The following GATA4 variants were observed in gnomAD, a reference collection of about 807,000 sequenced individuals.
GATA4 encodes GATA binding protein 4, also known as transcription factor GATA-4.
A neutral mutation model predicts 37.9 loss-of-function variants in GATA4; 7 were observed. The ratio of observed to expected loss-of-function variants is 0.18; its 90% CI spans 0.11 to 0.35. The LOEUF is 0.35. Among genes scored for constraint, GATA4 ranks in the 10% least tolerant of loss-of-function variants. GATA4 has a pLI of 1.00. For missense variants in GATA4, 647 were observed against 653.0 expected (o/e 0.99, Z 0.10); for synonymous variants, 372 against 292.6 (o/e 1.27, Z -2.77).
chr8:11,689,870 T>C (rs959326931), upstream of GATA4, among the ~76,000 whole-genome samples: 5 of 152,190 alleles, frequency 3.3e-5, no homozygotes, highest in Middle Eastern at 3.2e-3. Context: ...TAGGAGTCAA[T>C]GTATAGAGGG....
upstream of GATA4, among the ~76,000 whole-genome samples, chr8:11,688,366 A>G (rs946071311): frequency 6.6e-6 from 1 of 152,228 alleles, no homozygotes; most frequent in African/African-American, 2.4e-5. Flanking sequence ...ATATTCAATC[A>G]TTAATTCATT....
intron 4 of GATA4, among the ~76,000 whole-genome samples, chr8:11,751,907 T>G (rs2645400): frequency 0.28 from 42,253 of 152,120 alleles, 6,897 homozygotes; most frequent in South Asian, 0.37. Flanking sequence ...GTTGAAACCA[T>G]GAACACCATT....
intron 6 of GATA4, 61 bp from the exon 7 acceptor site, chr8:11,758,232 A>T (rs1228334479): frequency 6.3e-7 from 1 of 1,575,994 alleles, no homozygotes; most frequent in African/African-American, 1.3e-5. Flanking sequence ...TCCCCAGCCT[A>T]GACCTCCCAA....
chr8:11,679,009 C>T (rs1030701528), intron 1 of GATA4, among the ~76,000 whole-genome samples: 1 of 152,006 alleles, frequency 6.6e-6, no homozygotes, highest in East Asian at 1.9e-4. Flanking sequence ...TTATATTTGC[C>T]AAGTGATTTA....
intron 1 of GATA4, among the ~76,000 whole-genome samples, chr8:11,695,621 C>T (rs1799486367): frequency 6.6e-6 from 1 of 152,162 alleles, no homozygotes; most frequent in Non-Finnish European, 1.5e-5. Flanking sequence ...ACTCAGTTTC[C>T]AAGGACTGAC....
At chr8:11,680,441 T>A (rs1798920617) in intron 1 of GATA4, 1 of 981,776 alleles carries the variant, frequency 1.0e-6, no homozygotes, top group Non-Finnish European at 1.2e-6. Context: ...TCTCATCGCC[T>A]CTCCGTTCCT....
chr8:11,705,390 G>T (rs71518531), intron 1 of GATA4, among the ~76,000 whole-genome samples: 1 of 152,268 alleles, frequency 6.6e-6, no homozygotes, highest in Non-Finnish European at 1.5e-5. Flanking sequence ...GCCGAGAGCG[G>T]AGGCGTAAAC....
At chr8:11,741,845 C>T (rs1304168245) in intron 2 of GATA4, among the ~76,000 whole-genome samples, 2 of 152,198 alleles carry the variant, frequency 1.3e-5, no homozygotes, top group Non-Finnish European at 2.9e-5. Flanking sequence ...CCTTGCTGCT[C>T]TCAGGCCAAA....
intron 1 of GATA4, among the ~76,000 whole-genome samples, chr8:11,681,976 G>C (rs1027027954): frequency 9.9e-5 from 15 of 152,120 alleles, no homozygotes; most frequent in Non-Finnish European, 1.2e-4. Context: ...TCTGATGTTT[G>C]TCTACAGAAG....
intron 1 of GATA4, among the ~76,000 whole-genome samples, chr8:11,698,326 C>T (rs1461911462): frequency 6.6e-6 from 1 of 152,208 alleles, no homozygotes; most frequent in African/African-American, 2.4e-5. Flanking sequence ...TAGAATTCTT[C>T]TCTACTTTGT....
intron 2 of GATA4, among the ~76,000 whole-genome samples, chr8:11,724,984 C>G (rs1476962223): frequency 6.6e-6 from 1 of 152,266 alleles, no homozygotes; most frequent in African/African-American, 2.4e-5. Context: ...CTCATGCCCG[C>G]AGTGTACACG....
intron 4 of GATA4, among the ~76,000 whole-genome samples, chr8:11,753,648 A>T (rs1308912882): frequency 6.6e-6 from 1 of 152,088 alleles, no homozygotes; most frequent in Non-Finnish European, 1.5e-5. Context: ...GTCTGGGTGT[A>T]GAGTCACAGA....
intron 4 of GATA4, among the ~76,000 whole-genome samples, chr8:11,754,419 T>C (rs1242010626): frequency 6.6e-6 from 1 of 152,200 alleles, no homozygotes; most frequent in Non-Finnish European, 1.5e-5. Context: ...GGTCTCACTA[T>C]GTTGCCAAGG....
At chr8:11,744,561 C>T (rs1200408700) in intron 2 of GATA4, among the ~76,000 whole-genome samples, 1 of 152,186 alleles carries the variant, frequency 6.6e-6, no homozygotes, top group Non-Finnish European at 1.5e-5. Context: ...GAGGTTCATA[C>T]CAGATGTCAG....
chr8:11,749,018 A>G lies in GATA4; in HGVS notation c.719A>G (p.Asn240Ser). 1 of 1,614,184 alleles carries G rather than the reference A, an allele frequency of 6.2e-7. No individual in the cohort carries two copies. Among genetic ancestry groups the G allele is most frequent in the Non-Finnish European group, 8.5e-7 (1 of 1,180,034 alleles). Residue 240 changes from asparagine (N) to serine (S), a missense_variant, in exon 3 of 7, where the codon AAC (asparagine) becomes AGC (serine). Around this residue, in one of 5 missense-constraint regions of GATA4, gnomAD observed 56 missense variants for 64.5 expected, o/e 0.87. Transcript: ENST00000532059. The surrounding 1 kb of genome is among the most constrained non-coding windows in gnomAD (Gnocchi z 4.6). ...GATGGGACGGGTCACTATCTGTGCAACGCCTGCGGCCTCTACCACAAGATG... is the reference window on the plus strand; with the variant it reads ...GATGGGACGGGTCACTATCTGTGCAGCGCCTGCGGCCTCTACCACAAGATG... ...RRDGTGHYLC[N>S]ACGLYHKMNG... is the part of the protein sequence containing the mutation.
intron 2 of GATA4, among the ~76,000 whole-genome samples, chr8:11,728,838 C>T (rs756332018): frequency 6.6e-6 from 1 of 152,282 alleles, no homozygotes; most frequent in African/African-American, 2.4e-5. Context: ...TCATAGACCC[C>T]ATATCCAACT....
At chr8:11,742,680 C>T (rs1215457752) in intron 2 of GATA4, among the ~76,000 whole-genome samples, 2 of 152,264 alleles carry the variant, frequency 1.3e-5, no homozygotes, top group Non-Finnish European at 2.9e-5. Flanking sequence ...TGACAGCCTC[C>T]TGTCACAGGC....
In GATA4 at chr8:11,755,109, C is replaced by G. The variant is rs775993607; in HGVS notation, c.976C>G (p.Leu326Val). The change falls in exon 5 of 7, where the codon CTG (leucine) becomes GTG (valine). Residue 326 changes from leucine (L) to valine (V), a missense_variant. Physicochemically the swap from Leu to Val is conservative, Grantham distance 32. Around this residue, in one of 5 missense-constraint regions of GATA4, gnomAD observed 184 missense variants for 157.1 expected, o/e 1.17. Coordinates refer to ENST00000532059, the MANE Select transcript of GATA4 (RefSeq NM_001308093.3). Reference protein sequence around the residue: ...IQTRKRKPKNLNKSKTPAAPS... With the variant: ...IQTRKRKPKNVNKSKTPAAPS... ...AACCAGAAAACGGAAGCCCAAGAAC[C>G]TGAATAAATCTAAGACACCAGCAGG... The G allele has an allele frequency of 3.0e-5, 49 of 1,613,922 alleles. No homozygotes were observed. The highest frequency in any genetic ancestry group is 3.4e-5 in the Non-Finnish European group (40 of 1,179,928).
intron 2 of GATA4, among the ~76,000 whole-genome samples, 187 bp from the exon 3 acceptor site, chr8:11,748,729 C>A (rs1489602113): frequency 6.6e-6 from 1 of 152,158 alleles, no homozygotes; most frequent in South Asian, 2.1e-4. Context: ...GGGGAACTCT[C>A]AGTGTCTGGG....
Sources: allele counts gnomAD v4.1 joint callset (sites outside exome capture counted in the v4.1 genomes callset), GRCh38; gene constraint gnomAD v4.1.1; regional missense constraint gnomAD v4.1.1; non-coding constraint Gnocchi (gnomAD v3.1); transcripts MANE v1.5; gene names NCBI Gene and HGNC (gene_info 2026-07-23, HGNC 2026-07-21).